Variants in MNS1 observed in about 807,000 individuals in gnomAD.
The protein encoded by MNS1 is meiosis-specific nuclear structural protein 1.
In MNS1, 63 loss-of-function variants were observed where a neutral mutation model predicts 72.0. The ratio of observed to expected loss-of-function variants is 0.87; its 90% CI spans 0.71 to 1.08. The LOEUF is 1.08. Among genes scored for constraint, MNS1 ranks in the 50% least tolerant of loss-of-function variants. The pLI is 0.00. For synonymous variants in MNS1, 188 were observed against 172.1 expected (o/e 1.09, Z -0.72); for missense variants, 604 against 562.4 (o/e 1.07, Z -0.75).
At position 56,442,871 on chromosome 15, in the gene MNS1, T is replaced by C. The variant is rs1033330306; in HGVS notation, c.1011+559A>G. ...TACCCCTGTAACAAACCAGCACATGTACCTCCTGAACCTAAAGTAAAAGTT... is the reference window on the plus strand; with the variant it reads ...TACCCCTGTAACAAACCAGCACATGCACCTCCTGAACCTAAAGTAAAAGTT... On this transcript the variant is annotated intron_variant, in intron 7 of 9. Coordinates refer to ENST00000260453, the MANE Select transcript of MNS1 (RefSeq NM_018365.4). 1.6e-4 allele frequency among the ~76,000 whole-genome samples: 24 copies of C among 151,898 alleles called. 1 individual carries two copies. The highest frequency in any genetic ancestry group is 1.0e-3 in the South Asian group (5 of 4,804).
chr15:56,435,583 C>T (rs1178735244), intron 7 of MNS1, among the ~76,000 whole-genome samples: 1 of 151,934 alleles, frequency 6.6e-6, no homozygotes, highest in Non-Finnish European at 1.5e-5. Context: ...TGAAATGGAT[C>T]ACTTCCTTGA....
rs201407748 is a variant in MNS1, at chr15:56,431,404, T to C, written c.1364A>G (p.His455Arg). ...EEERLKLLKE[H>R]ATNLLGYLPK... is the part of the protein sequence containing the mutation. The stretch of plus-strand genomic sequence containing the variant: ...GAGATAGCCTAGTAAGTTTGTAGCA[T>C]GCTCTTTAAGAAGTTTTAGCCTTTC... The change falls in exon 9 of 10, where the codon CAT becomes CGT. Residue 455 changes from histidine to arginine, a missense_variant. His to Arg is a conservative substitution (Grantham distance 29). Coordinates refer to ENST00000260453, the MANE Select transcript of MNS1 (RefSeq NM_018365.4). 5.6e-6 allele frequency: 9 copies of C among 1,613,464 alleles called. No homozygotes were observed. Among genetic ancestry groups the C allele is most frequent in the Non-Finnish European group, 6.8e-6 (8 of 1,179,884 alleles).
At chr15:56,444,784 T>G (rs1468050201) in intron 4 of MNS1, 111 bp from the exon 5 acceptor site, 1 of 991,764 alleles carries the variant, frequency 1.0e-6, no homozygotes, top group Non-Finnish European at 1.5e-6. Flanking sequence ...TAAAATAAAT[T>G]TTTTCATCTG....
At chr15:56,447,487 T>C (rs2050915534) in intron 3 of MNS1, 1 of 152,198 alleles carries the variant, frequency 6.6e-6, no homozygotes. Context: ...TATCTGTGTT[T>C]TATTTTGGTA....
chr15:56,430,293 A>G (rs1487704653), intron 9 of MNS1, among the ~76,000 whole-genome samples: 2 of 152,134 alleles, frequency 1.3e-5, no homozygotes, highest in Admixed American at 1.3e-4. Context: ...TGCAGCTTCA[A>G]CTTTCCAGGC....
chr15:56,458,382 T>C (rs2050994512), intron 2 of MNS1, among the ~76,000 whole-genome samples: 1 of 152,204 alleles, frequency 6.6e-6, no homozygotes, highest in African/African-American at 2.4e-5. Context: ...CATGCTCAGC[T>C]TCCCCTTCTA....
chr15:56,439,078 G>A lies in MNS1; in HGVS notation c.1011+4352C>T, dbSNP rs559294479. On this transcript the variant is annotated intron_variant, in intron 7 of 9. Transcript: ENST00000260453. ...GGAAAAAAAATCCTACAGCTAACAA[G>A]TGAATTCAGCAAGGTTGTGAGATAC... Among the ~76,000 whole-genome samples the A allele has an allele frequency of 5.9e-5, 9 of 152,208 alleles. No individual in the cohort carries two copies. In the South Asian group the frequency reaches 1.0e-3, roughly 18 times the overall value.
At chr15:56,436,722 CAAA>C (rs1309872201) in intron 7 of MNS1, among the ~76,000 whole-genome samples, 1 of 151,568 alleles carries the variant, frequency 6.6e-6, no homozygotes, top group Non-Finnish European at 1.5e-5. Flanking sequence ...AGACTCATAA[CAAA>C]GAAAAGAGAG....
chr15:56,430,143 CTATAGCTGAA>C (rs2050538174), intron 9 of MNS1: 1 of 152,126 alleles, frequency 6.6e-6, no homozygotes, highest in Non-Finnish European at 1.5e-5. Flanking sequence ...AATGGCATTT[CTATAGCTGAA>C]AGATGGCGAT....
At position 56,443,733 on chromosome 15, in the gene MNS1, T is replaced by C. The variant is rs2050858619; in HGVS notation, c.808A>G (p.Ile270Val). 1 of 1,613,250 alleles carries C rather than the reference T, an allele frequency of 6.2e-7. No individual in the cohort carries two copies. The highest frequency in any genetic ancestry group is 1.3e-5 in the African/African-American group (1 of 74,886). Residue 270 changes from isoleucine (I) to valine (V), a missense_variant, in exon 6 of 10, where the codon ATC (isoleucine) becomes GTC (valine). Coordinates refer to ENST00000260453, the MANE Select transcript of MNS1 (RefSeq NM_018365.4). ...TGCTGCATGTTAGCAAACTCTATGA[T>C]TTTTCTGTTTTCTTCTTCCATCTCC... ...REEMEEENRK[I>V]IEFANMQQQR...
In MNS1 at chr15:56,443,762, C is replaced by A. The variant is rs753033368; in HGVS notation, c.779G>T (p.Arg260Leu). The change falls in exon 6 of 10, where the codon CGT becomes CTT. Residue 260 changes from arginine (R) to leucine (L), a missense_variant. Transcript: ENST00000260453. ...KEQALWRKKK[R>L]EEMEEENRKI... ...TCTGTTTTCTTCTTCCATCTCCTCACGTTTCTTTTTTCTCCAGAGAGCCTG... is the reference window on the plus strand; with the variant it reads ...TCTGTTTTCTTCTTCCATCTCCTCAAGTTTCTTTTTTCTCCAGAGAGCCTG... The A allele has an allele frequency of 1.2e-6, 2 of 1,613,214 alleles. No homozygotes were observed. The highest frequency in any genetic ancestry group is 1.7e-6 in the Non-Finnish European group (2 of 1,179,678).
chr15:56,445,987 G>C (rs2050899029), intron 4 of MNS1: 1 of 151,978 alleles, frequency 6.6e-6, no homozygotes, highest in Non-Finnish European at 1.5e-5. Context: ...AGGTATTCCT[G>C]TTAACAGCAT....
intron 9 of MNS1, chr15:56,430,139 AT>A (rs1482982516): frequency 6.6e-6 from 1 of 152,192 alleles, no homozygotes; most frequent in African/African-American, 2.4e-5. Flanking sequence ...ATGAAATGGC[AT>A]TTCTATAGCT....
At chr15:56,429,273 A>ATAACT in intron 9 of MNS1, 80 bp from the exon 10 acceptor site, 1 of 874,668 alleles carries the variant, frequency 1.1e-6, no homozygotes, top group Non-Finnish European at 1.8e-6. Flanking sequence ...CAGACATAAG[A>ATAACT]TTAGTAAAGT....
At chr15:56,456,073 TA>T (rs2050979790) in intron 3 of MNS1, among the ~76,000 whole-genome samples, 1 of 152,150 alleles carries the variant, frequency 6.6e-6, no homozygotes, top group African/African-American at 2.4e-5. Context: ...TGTAGAGGTA[TA>T]AAATTAAACT....
rs527858317 is a variant in MNS1 at position 56,442,078 on chromosome 15, G to T, written c.1011+1352C>A. Among the ~76,000 whole-genome samples the T allele has an allele frequency of 3.8e-4, 57 of 151,864 alleles. 2 individuals are homozygous for T. The South Asian group carries it at 0.011, about 29-fold the overall frequency. ...AAAAGAAAAAATAGGCTAAGTACAT[G>T]AACAGATACCTCTCAAAAAATGATA... On this transcript the variant is annotated intron_variant, in intron 7 of 9. Coordinates refer to ENST00000260453, the MANE Select transcript of MNS1 (RefSeq NM_018365.4).
chr15:56,429,843 T>C, intron 9 of MNS1: 1 of 152,232 alleles, frequency 6.6e-6, no homozygotes, highest in East Asian at 1.9e-4. Context: ...CATTTTTGGA[T>C]ATCAAGTTTA....
chr15:56,456,918 C>G (rs795780), intron 2 of MNS1, among the ~76,000 whole-genome samples: 1 of 152,066 alleles, frequency 6.6e-6, no homozygotes, highest in Admixed American at 6.6e-5. Context: ...TCTACCTGAT[C>G]AGAATTTTTA....
Position 56,462,269 on chromosome 15 carries a change from T to G in MNS1, c.225+1757A>C, listed in dbSNP as rs2051028504. 2.6e-5 allele frequency among the ~76,000 whole-genome samples: 4 copies of G among 152,256 alleles called. No individual in the cohort carries two copies. The South Asian group carries it at 8.3e-4, about 32-fold the overall frequency. On this transcript the variant is annotated intron_variant, in intron 2 of 9. Transcript: ENST00000260453. Reference sequence around the variant, plus strand: ...TGTAACCACTAATGAAAGAAAAAATTCTTTTGTGAAACCACAGATGAAAGT... The same window carrying G: ...TGTAACCACTAATGAAAGAAAAAATGCTTTTGTGAAACCACAGATGAAAGT...
Sources: gnomAD v4.1 joint callset for allele counts (sites outside exome capture counted in the v4.1 genomes callset) on GRCh38, gnomAD v4.1.1 for gene constraint, MANE v1.5 for transcripts, NCBI Gene and HGNC (gene_info 2026-07-23, HGNC 2026-07-21) for gene names.